The following SREBF2 variants were observed in gnomAD, a reference collection of about 807,000 sequenced individuals.
SREBF2 encodes the protein sterol regulatory element binding transcription factor 2.
A neutral mutation model predicts 113.1 loss-of-function variants in SREBF2; 55 were observed. The observed-to-expected ratio is 0.49, with a 90% confidence interval of 0.39 to 0.61. The LOEUF is 0.61. Among genes scored for constraint, SREBF2 ranks in the 20% least tolerant of loss-of-function variants. The pLI, the probability that SREBF2 is intolerant of heterozygous loss-of-function variation, is 0.00. For synonymous variants in SREBF2, 593 were observed against 605.7 expected (o/e 0.98, Z 0.31); for missense variants, 1,349 against 1,487.4 (o/e 0.91, Z 1.53).
At chr22:41,850,651 A>G (rs908736481) in intron 1 of SREBF2, among the ~76,000 whole-genome samples, 1 of 152,244 alleles carries the variant, frequency 6.6e-6, no homozygotes. Flanking sequence ...AAATATAGAT[A>G]TAAATTCAAA....
rs1355370755 is a variant in SREBF2, at chr22:41,905,629, T to G, written c.3395T>G (p.Leu1132Arg). 6.3e-7 allele frequency: 1 copy of G among 1,595,418 alleles called. No homozygotes were observed. Among genetic ancestry groups the G allele is most frequent in the Non-Finnish European group, 8.5e-7 (1 of 1,171,938 alleles). Residue 1132 changes from leucine (L) to arginine (R), a missense_variant, in exon 19 of 19, where the codon CTG becomes CGG. This residue lies in a region of SREBF2 where 650 missense variants were observed against 644.1 expected (regional missense o/e 1.01). Coordinates refer to ENST00000361204, the MANE Select transcript of SREBF2 (RefSeq NM_004599.4). Reference protein sequence around the residue: ...CNDCQQMIVKLGGGTAIAAS With the variant: ...CNDCQQMIVKRGGGTAIAAS ...GACTGCCAGCAGATGATTGTTAAGC[T>G]GGGTGGTGGCACTGCCATTGCCGCC...
At chr22:41,880,653 C>T in intron 9 of SREBF2, 63 bp from the exon 10 acceptor site, 1 of 1,604,626 alleles carries the variant, frequency 6.2e-7, no homozygotes, top group Non-Finnish European at 8.5e-7. Context: ...GAGTAGAAGT[C>T]TATATCAAAA....
rs992750506 is a variant in SREBF2, at chr22:41,894,798, C to G, written c.2378-22C>G. The G allele has an allele frequency of 1.9e-6, 3 of 1,606,842 alleles. No individual in the cohort carries two copies. The African/African-American group carries it at 4.0e-5, about 21-fold the overall frequency. ...CTCATAAATGAGCTCCATTTAACCC[C>G]CCTTGCCTGTCTCTTTTCCAGCTGA... On this transcript the variant is annotated intron_variant, in intron 12 of 18. Transcript: ENST00000361204.
chr22:41,841,502 G>A (rs1195481235), intron 1 of SREBF2, among the ~76,000 whole-genome samples: 1 of 151,994 alleles, frequency 6.6e-6, no homozygotes, highest in Non-Finnish European at 1.5e-5. Flanking sequence ...ATTTGGCCTC[G>A]CCCTTGACAA....
intron 1 of SREBF2, among the ~76,000 whole-genome samples, chr22:41,853,588 C>T (rs998613165): frequency 3.3e-5 from 5 of 152,126 alleles, no homozygotes; most frequent in Non-Finnish European, 7.3e-5. Flanking sequence ...ATGCTTAACC[C>T]GTTGAAATCC....
rs1044059314 is a variant in SREBF2 at position 41,833,440 on chromosome 22, AC to A, written c.88+88del. ...GGCGCGCCCGGGTGCGCGTGCGCCC[AC>A]CCCCCGACAGCCCCGGTTCGCGCGG... On this transcript the variant is annotated intron_variant, in intron 1 of 18. Coordinates refer to ENST00000361204, the MANE Select transcript of SREBF2 (RefSeq NM_004599.4). The surrounding 1 kb of genome is among the most constrained non-coding windows in gnomAD (Gnocchi z 4.1). 100 of 1,245,470 alleles carry A rather than the reference AC, an allele frequency of 8.0e-5. No homozygotes were observed. The highest frequency in any genetic ancestry group is 2.5e-4 in the Middle Eastern group (1 of 4,074). The allele number at this position is 1,245,470 out of a possible 1,614,324, so 77.2% of individuals were successfully genotyped here.
At chr22:41,875,813 C>T (rs1443109429) in intron 7 of SREBF2, 89 bp downstream of exon 7, 9 of 1,458,604 alleles carry the variant, frequency 6.2e-6, no homozygotes, top group South Asian at 2.3e-5. Context: ...GAGGCCAGGC[C>T]GCATGTTAAG....
At chr22:41,871,137 G>T (rs879453250) in intron 4 of SREBF2, 102 bp downstream of exon 4, 2 of 1,493,020 alleles carry the variant, frequency 1.3e-6, no homozygotes, top group Non-Finnish European at 9.2e-7. Context: ...AGGTATGGGA[G>T]GGTCTATAGC....
chr22:41,898,604 C>A, intron 14 of SREBF2, 45 bp from the exon 15 acceptor site: 1 of 1,612,856 alleles, frequency 6.2e-7, no homozygotes, highest in South Asian at 1.1e-5. Flanking sequence ...CCACAGGTCT[C>A]GTTTCTGTGG....
intron 8 of SREBF2, 23 bp from the exon 9 acceptor site, chr22:41,877,919 T>A (rs955081719): frequency 6.2e-7 from 1 of 1,614,198 alleles, no homozygotes; most frequent in Non-Finnish European, 8.5e-7. Flanking sequence ...CCTAGCAGAC[T>A]CTGCTGAGAC....
intron 9 of SREBF2, chr22:41,878,792 A>C: frequency 8.1e-7 from 1 of 1,235,130 alleles, no homozygotes; most frequent in Non-Finnish European, 1.1e-6. Flanking sequence ...CACCTCTGCA[A>C]GCTGCAGGGC....
chr22:41,888,718 AAG>A (rs981385175), intron 11 of SREBF2, among the ~76,000 whole-genome samples: 39 of 152,316 alleles, frequency 2.6e-4, no homozygotes, highest in African/African-American at 8.7e-4. Flanking sequence ...GCACCTCCAT[AAG>A]AGTTTCCTCA....
At chr22:41,869,582 C>G (rs1307976477) in intron 3 of SREBF2, among the ~76,000 whole-genome samples, 3 of 150,970 alleles carry the variant, frequency 2.0e-5, no homozygotes, top group African/African-American at 7.3e-5. Flanking sequence ...CTACCAGGTT[C>G]AAGCGATTCT....
intron 1 of SREBF2, among the ~76,000 whole-genome samples, chr22:41,862,866 C>G (rs549859285): frequency 2.2e-4 from 34 of 152,352 alleles, no homozygotes; most frequent in Middle Eastern, 3.4e-3. Flanking sequence ...GATGGCTCCA[C>G]TGGAGCTTTT....
chr22:41,837,556 TAAA>T (rs764852977), intron 1 of SREBF2, among the ~76,000 whole-genome samples: 7 of 75,402 alleles, frequency 9.3e-5, no homozygotes, highest in Admixed American at 1.6e-4. Context: ...AGACTCTGTC[TAAA>T]AAAAAAAAAA....
intron 1 of SREBF2, among the ~76,000 whole-genome samples, chr22:41,858,781 G>A (rs1325168899): frequency 6.6e-6 from 1 of 151,230 alleles, no homozygotes; most frequent in Non-Finnish European, 1.5e-5. Context: ...GTGAAATGGA[G>A]GGTTAAGGAT....
chr22:41,866,000 G>A (rs1463531755), intron 1 of SREBF2, among the ~76,000 whole-genome samples: 2 of 152,176 alleles, frequency 1.3e-5, no homozygotes, highest in Non-Finnish European at 1.5e-5. Context: ...ACAGTGCCCA[G>A]GGTTTTACTC....
intron 4 of SREBF2, among the ~76,000 whole-genome samples, chr22:41,873,370 T>G (rs73430956): frequency 0.012 from 1,868 of 152,228 alleles, 31 homozygotes; most frequent in African/African-American, 0.042. Context: ...TATAAAGAAA[T>G]GCAGTAATTT....
At chr22:41,900,287 G>C (rs1293562564) in intron 15 of SREBF2, 43 bp from the exon 16 acceptor site, 13 of 1,602,900 alleles carry the variant, frequency 8.1e-6, no homozygotes, top group Non-Finnish European at 1.0e-5. Context: ...TCACGCAGGT[G>C]ACACATAGTG....
Sources: gnomAD v4.1 joint callset for allele counts (sites outside exome capture counted in the v4.1 genomes callset) on GRCh38, gnomAD v4.1.1 for gene constraint, gnomAD v4.1.1 regional missense constraint, Gnocchi (gnomAD v3.1) non-coding constraint, MANE v1.5 for transcripts, NCBI Gene and HGNC (gene_info 2026-07-23, HGNC 2026-07-21) for gene names.